MEI1: variants seen among roughly 807,000 people sequenced by gnomAD.
MEI1 encodes meiosis inhibitor protein 1.
In MEI1, 103 loss-of-function variants were observed where a neutral mutation model predicts 146.2. The observed-to-expected ratio is 0.70, with a 90% confidence interval of 0.60 to 0.83. The LOEUF is 0.83. Among genes scored for constraint, MEI1 ranks in the 40% least tolerant of loss-of-function variants. MEI1 has a pLI of 0.00. For synonymous variants in MEI1, 652 were observed against 628.2 expected (o/e 1.04, Z -0.57); for missense variants, 1,529 against 1,533.0 (o/e 1.00, Z 0.04).
At chr22:41,717,084 G>A (rs1211994267) in intron 5 of MEI1, among the ~76,000 whole-genome samples, 1 of 151,798 alleles carries the variant, frequency 6.6e-6, no homozygotes, top group Non-Finnish European at 1.5e-5. Context: ...ACTTTTTTCT[G>A]TCAGTGAAAT....
intron 3 of MEI1, among the ~76,000 whole-genome samples, chr22:41,712,849 C>G (rs1288432900): frequency 7.0e-6 from 1 of 142,880 alleles, no homozygotes; most frequent in African/African-American, 2.6e-5. Flanking sequence ...CGCTCTGTTG[C>G]CCAGGCTGGA....
chr22:41,778,596 A>G, intron 21 of MEI1, 112 bp from the exon 22 acceptor site: 2 of 757,708 alleles, frequency 2.6e-6, no homozygotes, highest in South Asian at 3.5e-5. Flanking sequence ...ACCCCTTAGG[A>G]AACAAAAAAC....
intron 9 of MEI1, among the ~76,000 whole-genome samples, chr22:41,731,052 T>TC (rs2071815822): frequency 1.0e-5 from 1 of 98,360 alleles, no homozygotes; most frequent in African/African-American, 1.5e-4. Flanking sequence ...TGTCTGGGAC[T>TC]TTTTTTTTTT....
At chr22:41,791,671 G>A (rs542361607) in intron 26 of MEI1, among the ~76,000 whole-genome samples, 1 of 152,286 alleles carries the variant, frequency 6.6e-6, no homozygotes, top group Admixed American at 6.5e-5. Context: ...AGGAGGTGGA[G>A]AATGTCCACA....
chr22:41,797,840 G>C (rs1354046820), intron 30 of MEI1, among the ~76,000 whole-genome samples: 2 of 152,080 alleles, frequency 1.3e-5, no homozygotes, highest in African/African-American at 4.8e-5. Flanking sequence ...ACTTAAATGA[G>C]TTAATATATG....
intron 26 of MEI1, among the ~76,000 whole-genome samples, chr22:41,790,390 A>G (rs1254403926): frequency 6.6e-6 from 1 of 150,996 alleles, no homozygotes; most frequent in Non-Finnish European, 1.5e-5. Flanking sequence ...CGGTCTTAAA[A>G]CTCGCTTTTT....
intron 22 of MEI1, among the ~76,000 whole-genome samples, chr22:41,779,152 C>T (rs1011731219): frequency 6.6e-6 from 1 of 151,818 alleles, no homozygotes; most frequent in African/African-American, 2.4e-5. Context: ...TAGCAAGATC[C>T]TGCCTCTACA....
At chr22:41,715,374 C>G (rs939800793) in intron 4 of MEI1, among the ~76,000 whole-genome samples, 1 of 151,754 alleles carries the variant, frequency 6.6e-6, no homozygotes, top group Admixed American at 6.6e-5. Context: ...GTAATAGGAG[C>G]TATAATAACT....
intron 20 of MEI1, among the ~76,000 whole-genome samples, chr22:41,772,134 G>A (rs1033178934): frequency 1.3e-5 from 2 of 152,178 alleles, no homozygotes; most frequent in African/African-American, 4.8e-5. Context: ...AACCTGTACA[G>A]CATGTTACTG....
At chr22:41,725,763 C>CT (rs1345471124) in intron 7 of MEI1, among the ~76,000 whole-genome samples, 1 of 152,238 alleles carries the variant, frequency 6.6e-6, no homozygotes, top group Non-Finnish European at 1.5e-5. Flanking sequence ...ACCCTGGCTC[C>CT]TTTAGGCGGA....
In MEI1 at chr22:41,784,374, A is replaced by AT; in HGVS notation, c.3125dup (p.Leu1042PhefsTer92). On this transcript the variant is annotated frameshift_variant, in exon 25 of 31. Transcript: ENST00000401548. LOFTEE classifies it high-confidence loss of function. ...CACTCTCTGTGGAAATGGACCAAGT[A>AT]TTGAAGGCTCTCAGCTTTCCAAAGA... The AT allele has an allele frequency of 6.2e-7, 1 of 1,613,936 alleles. No homozygotes were observed. The highest frequency in any genetic ancestry group is 8.5e-7 in the Non-Finnish European group (1 of 1,179,884).
chr22:41,738,776 A>T (rs5751146), intron 11 of MEI1, among the ~76,000 whole-genome samples: 2 of 131,830 alleles, frequency 1.5e-5, no homozygotes, highest in African/African-American at 3.0e-5. Context: ...GTCTCAAAAA[A>T]AAAAATAAAT....
intron 30 of MEI1, among the ~76,000 whole-genome samples, chr22:41,798,192 G>A (rs1430864731): frequency 6.7e-6 from 1 of 148,786 alleles, no homozygotes; most frequent in Admixed American, 6.7e-5. Flanking sequence ...CTCTGTGACT[G>A]CCATGTTCTT....
intron 20 of MEI1, among the ~76,000 whole-genome samples, chr22:41,771,361 C>A (rs1240416956): frequency 6.6e-6 from 1 of 152,214 alleles, no homozygotes; most frequent in Non-Finnish European, 1.5e-5. Context: ...GACTCCTCCT[C>A]TTTTTTGCCA....
intron 22 of MEI1, among the ~76,000 whole-genome samples, chr22:41,780,745 T>G (rs2075719626): frequency 6.6e-6 from 1 of 152,110 alleles, no homozygotes; most frequent in African/African-American, 2.4e-5. Context: ...CATGCCCAGC[T>G]AATTTTTTGT....
At position 41,763,340 on chromosome 22, in the gene MEI1, G is replaced by A; in HGVS notation, c.2268+19G>A. The A allele has an allele frequency of 6.2e-7, 1 of 1,612,332 alleles. No individual in the cohort carries two copies. Among genetic ancestry groups the A allele is most frequent in the Non-Finnish European group, 8.5e-7 (1 of 1,178,866 alleles). On this transcript the variant is annotated intron_variant, in intron 19 of 30. Transcript: ENST00000401548. ...ACGTGAGGTATGGACCACAATGCCT[G>A]GGCTCCTTGTCCTTCTGTACCTCTT...
At chr22:41,747,235 T>C (rs1275846185) in intron 14 of MEI1, 1 of 147,692 alleles carries the variant, frequency 6.8e-6, no homozygotes, top group Non-Finnish European at 1.5e-5. Flanking sequence ...AGAACCCTGT[T>C]TCTTTTTTTT....
At chr22:41,722,482 T>A (rs1213322893) in intron 6 of MEI1, among the ~76,000 whole-genome samples, 1 of 148,962 alleles carries the variant, frequency 6.7e-6, no homozygotes, top group African/African-American at 2.5e-5. Flanking sequence ...TTTTTTTTTT[T>A]TTTTTTGTAG....
intron 19 of MEI1, chr22:41,767,454 C>T (rs560553074): frequency 2.5e-6 from 1 of 395,610 alleles, no homozygotes; most frequent in Non-Finnish European, 5.4e-6. Context: ...AGGAGATACA[C>T]ACTGATGTGT....
Sources: gnomAD v4.1 joint callset for allele counts (sites outside exome capture counted in the v4.1 genomes callset) on GRCh38, gnomAD v4.1.1 for gene constraint, MANE v1.5 for transcripts, NCBI Gene and HGNC (gene_info 2026-07-23, HGNC 2026-07-21) for gene names.